The following EYA1 variants were observed in gnomAD, a reference collection of about 807,000 sequenced individuals.
EYA1 encodes the protein protein phosphatase EYA1.
Under a neutral mutation model 82.0 loss-of-function variants are expected in EYA1, and 16 were observed. The observed-to-expected ratio is 0.20, with a 90% CI of 0.13 to 0.30. The LOEUF (loss-of-function observed/expected upper bound fraction) is 0.30. Among genes scored for constraint, EYA1 ranks in the 10% least tolerant of loss-of-function variants. The probability of loss-of-function intolerance (pLI) is 1.00; values close to 1 mark genes in which losing one functional copy is unlikely to be tolerated. For missense variants in EYA1, 633 were observed against 730.7 expected, an observed-to-expected ratio of 0.87 and a Z score of 1.54; for synonymous variants, 261 against 264.4, an observed-to-expected ratio of 0.99 and a Z score of 0.12.
At chr8:71,324,613 G>T (rs1011709087) in intron 4 of EYA1, among the ~76,000 whole-genome samples, 4 of 152,078 alleles carry the variant, frequency 2.6e-5, no homozygotes, top group Non-Finnish European at 4.4e-5. Context: ...ATACTTCAAG[G>T]TTGGATTTTC....
At chr8:71,433,735 G>A (rs1348144129) in intron 2 of EYA1, among the ~76,000 whole-genome samples, 1 of 152,172 alleles carries the variant, frequency 6.6e-6, no homozygotes, top group African/African-American at 2.4e-5. Context: ...GGTTGGAGAG[G>A]AGCCAAGAGG....
chr8:71,427,103 C>T (rs1008722120), intron 2 of EYA1, among the ~76,000 whole-genome samples: 5 of 152,220 alleles, frequency 3.3e-5, no homozygotes, highest in Admixed American at 6.5e-5. Flanking sequence ...TTTCCTCTTC[C>T]GTGTGACTGA....
intron 12 of EYA1, among the ~76,000 whole-genome samples, chr8:71,227,292 T>C (rs967787733): frequency 6.6e-6 from 1 of 152,174 alleles, no homozygotes; most frequent in Non-Finnish European, 1.5e-5. Flanking sequence ...CAAACATAAT[T>C]TGTCACTGGC....
intron 2 of EYA1, among the ~76,000 whole-genome samples, chr8:71,443,311 G>A (rs1159363276): frequency 6.6e-6 from 1 of 152,112 alleles, no homozygotes; most frequent in African/African-American, 2.4e-5. Flanking sequence ...TTGGCGGGGG[G>A]GATAGAGTCT....
At chr8:71,251,312 G>A (rs543274712) in intron 11 of EYA1, among the ~76,000 whole-genome samples, 23 of 152,268 alleles carry the variant, frequency 1.5e-4, no homozygotes, top group Non-Finnish European at 2.5e-4. Flanking sequence ...CTTGTTTAAC[G>A]AAGAAATTGT....
intron 2 of EYA1, among the ~76,000 whole-genome samples, chr8:71,464,145 T>C (rs1163347215): frequency 6.6e-6 from 1 of 152,110 alleles, no homozygotes; most frequent in African/African-American, 2.4e-5. Flanking sequence ...CAGGCGCTGC[T>C]CTCCCCGAGG....
intron 11 of EYA1, among the ~76,000 whole-genome samples, chr8:71,268,949 A>T (rs1816189296): frequency 6.6e-6 from 1 of 152,220 alleles, no homozygotes; most frequent in African/African-American, 2.4e-5. Flanking sequence ...CAAATAACTT[A>T]AAAAAACCTA....
intron 2 of EYA1, among the ~76,000 whole-genome samples, chr8:71,466,054 C>G (rs931618070): frequency 6.6e-6 from 1 of 152,106 alleles, no homozygotes; most frequent in South Asian, 2.1e-4. Context: ...AAAGATACAC[C>G]TTTGTGCAGG....
intron 3 of EYA1, chr8:71,334,449 A>G (rs1170070349): frequency 2.2e-6 from 1 of 460,312 alleles, no homozygotes; most frequent in East Asian, 4.4e-5. Context: ...TATTTACTGA[A>G]TTACTTATTG....
chr8:71,542,021 T>C (rs1563720565), intron 1 of EYA1, among the ~76,000 whole-genome samples: 1 of 152,160 alleles, frequency 6.6e-6, no homozygotes, highest in Non-Finnish European at 1.5e-5. Context: ...AAATGATGAA[T>C]TTTCTTACTT....
intron 17 of EYA1, among the ~76,000 whole-genome samples, chr8:71,204,686 T>A (rs1807516747): frequency 6.6e-6 from 1 of 152,358 alleles, no homozygotes; most frequent in South Asian, 2.1e-4. Flanking sequence ...AGTGTATACT[T>A]CTCATTTGTG....
At chr8:71,354,990 T>C in intron 2 of EYA1, 81 bp from the exon 3 acceptor site, 2 of 1,372,574 alleles carry the variant, frequency 1.5e-6, no homozygotes, top group Non-Finnish European at 2.1e-6. Context: ...CTTGACACCT[T>C]TGAAACACAC....
intron 2 of EYA1, among the ~76,000 whole-genome samples, chr8:71,407,006 C>G (rs937569619): frequency 2.3e-5 from 3 of 127,698 alleles, no homozygotes; most frequent in African/African-American, 8.0e-5. Context: ...AGTGGTTCTC[C>G]CAGCACGCAG....
At position 71,448,025 on chromosome 8, in the gene EYA1, T is replaced by TTTTTTTTTTTTTTTTTTTAGGTAACGGAG. The variant is rs935912194; in HGVS notation, c.33+87718_33+87719insCTCCGTTACCTAAAAAAAAAAAAAAAAAA. 8.0e-4 allele frequency among the ~76,000 whole-genome samples: 93 copies of TTTTTTTTTTTTTTTTTTTAGGTAACGGAG among 116,676 alleles called. 6 individuals are homozygous for TTTTTTTTTTTTTTTTTTTAGGTAACGGAG. Among genetic ancestry groups the TTTTTTTTTTTTTTTTTTTAGGTAACGGAG allele is most frequent in the South Asian group, 2.8e-3 (10 of 3,524 alleles). The allele number at this position is 116,676 out of a possible 152,430, so 76.5% of individuals were successfully genotyped here. A position where few individuals can be genotyped will look rare whatever the true frequency, so the allele number is the denominator to read the frequency against. Reference sequence around the variant, plus strand: ...GTTTAAGAGCTTTTTTTTTTTTTTTTTCTCGCTCCGTTGCCCAGGCTGCAG... The same window carrying TTTTTTTTTTTTTTTTTTTAGGTAACGGAG: ...GTTTAAGAGCTTTTTTTTTTTTTTTTTTTTTTTTTTTTTTTTTTAGGTAACGGAGTCTCGCTCCGTTGCCCAGGCTGCAG... On this transcript the variant is annotated intron_variant, in intron 2 of 18. Transcript: ENST00000643681.
chr8:71,241,777 A>G (rs931947188), intron 12 of EYA1, among the ~76,000 whole-genome samples: 3 of 152,110 alleles, frequency 2.0e-5, no homozygotes, highest in Admixed American at 6.5e-5. Context: ...CTGATGAGAT[A>G]ATTCTGGTGT....
intron 2 of EYA1, among the ~76,000 whole-genome samples, chr8:71,484,789 C>T (rs996281615): frequency 2.0e-5 from 3 of 152,232 alleles, no homozygotes; most frequent in East Asian, 1.9e-4. Flanking sequence ...TGTGACCATG[C>T]TGCCGCTCCC....
chr8:71,418,698 G>T (rs1428431130), intron 2 of EYA1, among the ~76,000 whole-genome samples: 2 of 152,136 alleles, frequency 1.3e-5, no homozygotes, highest in African/African-American at 2.4e-5. Flanking sequence ...TATATGCTAG[G>T]CATTGTTCTA....
At chr8:71,521,366 A>G (rs992642219) in intron 2 of EYA1, among the ~76,000 whole-genome samples, 8 of 152,156 alleles carry the variant, frequency 5.3e-5, no homozygotes, top group Non-Finnish European at 8.8e-5. Context: ...TAACTGAGAT[A>G]CTCATAGTCT....
At chr8:71,370,794 T>C (rs73294224) in intron 2 of EYA1, among the ~76,000 whole-genome samples, 1 of 151,964 alleles carries the variant, frequency 6.6e-6, no homozygotes, top group Non-Finnish European at 1.5e-5. Context: ...CTATTTTTTT[T>C]TTTTATTTTA....
Sources: gnomAD v4.1 joint callset for allele counts (sites outside exome capture counted in the v4.1 genomes callset) on GRCh38, gnomAD v4.1.1 for gene constraint, MANE v1.5 for transcripts, NCBI Gene and HGNC (gene_info 2026-07-23, HGNC 2026-07-21) for gene names.